Variants in ADAMTS17 observed in about 807,000 individuals in gnomAD.
ADAMTS17 encodes the protein ADAM metallopeptidase with thrombospondin type 1 motif 17.
In ADAMTS17, 113 loss-of-function variants were observed where a neutral mutation model predicts 141.5. The ratio of observed to expected loss-of-function variants is 0.80; its 90% CI spans 0.69 to 0.93. The LOEUF is 0.93. Ranked by LOEUF, ADAMTS17 falls within the 40% of genes least tolerant of loss-of-function variation. ADAMTS17 has a pLI of 0.00. For missense variants in ADAMTS17, 1,659 were observed against 1,517.9 expected, an observed-to-expected ratio of 1.09 and a Z score of -1.54; for synonymous variants, 768 against 630.6, an observed-to-expected ratio of 1.22 and a Z score of -3.27.
intron 15 of ADAMTS17, among the ~76,000 whole-genome samples, chr15:100,087,491 G>T (rs1471000805): frequency 1.3e-5 from 2 of 152,264 alleles, no homozygotes; most frequent in Non-Finnish European, 2.9e-5. Flanking sequence ...CATTTTATGA[G>T]GCCAGCATCA....
At chr15:100,246,753 T>C (rs1295461089) in intron 7 of ADAMTS17, among the ~76,000 whole-genome samples, 2 of 152,236 alleles carry the variant, frequency 1.3e-5, no homozygotes, top group African/African-American at 4.8e-5. Flanking sequence ...TAGCCATATT[T>C]CATCATAGCT....
intron 15 of ADAMTS17, among the ~76,000 whole-genome samples, chr15:100,084,357 G>A (rs1347679583): frequency 6.6e-6 from 1 of 152,172 alleles, no homozygotes; most frequent in Admixed American, 6.5e-5. Flanking sequence ...GCTCGAACTG[G>A]GTGGAGCCCA....
At chr15:100,230,565 T>C (rs541426588) in intron 7 of ADAMTS17, among the ~76,000 whole-genome samples, 1 of 152,332 alleles carries the variant, frequency 6.6e-6, no homozygotes, top group South Asian at 2.1e-4. Context: ...GAAAAGTTCC[T>C]GAAAAGTCTA....
intron 15 of ADAMTS17, among the ~76,000 whole-genome samples, chr15:100,079,182 A>G (rs1201464387): frequency 6.6e-6 from 1 of 152,184 alleles, no homozygotes; most frequent in Non-Finnish European, 1.5e-5. Context: ...ATTCTCACTC[A>G]CCAATTCCAT....
At chr15:100,222,270 T>C (rs1391756029) in intron 7 of ADAMTS17, among the ~76,000 whole-genome samples, 1 of 152,162 alleles carries the variant, frequency 6.6e-6, no homozygotes, top group Admixed American at 6.5e-5. Context: ...ATGCAGACAG[T>C]TCTCTGCCTT....
chr15:100,109,253 A>T, intron 13 of ADAMTS17, 137 bp from the exon 14 acceptor site: 4 of 1,055,464 alleles, frequency 3.8e-6, no homozygotes, highest in Non-Finnish European at 5.5e-6. Context: ...GAGCTCAGGT[A>T]CGCGCTCCAG....
intron 15 of ADAMTS17, among the ~76,000 whole-genome samples, chr15:100,070,650 C>T (rs943059538): frequency 1.3e-5 from 2 of 149,900 alleles, no homozygotes; most frequent in Non-Finnish European, 3.0e-5. Context: ...CTACTGGGTA[C>T]ATAACGAAAT....
chr15:100,307,857 C>T (rs545886211), intron 3 of ADAMTS17, among the ~76,000 whole-genome samples: 14 of 152,332 alleles, frequency 9.2e-5, no homozygotes, highest in African/African-American at 1.7e-4. Flanking sequence ...CACACCTGGA[C>T]GACAGTCTTG....
At chr15:100,265,024 CTAAA>C (rs1283290663) in intron 4 of ADAMTS17, among the ~76,000 whole-genome samples, 2 of 152,174 alleles carry the variant, frequency 1.3e-5, no homozygotes, top group Non-Finnish European at 2.9e-5. Context: ...GCTTCATGCT[CTAAA>C]TAATGTTCTC....
intron 8 of ADAMTS17, among the ~76,000 whole-genome samples, chr15:100,195,723 C>T (rs867796875): frequency 3.1e-4 from 47 of 151,082 alleles, no homozygotes; most frequent in African/African-American, 1.1e-3. Flanking sequence ...CTCCATGATA[C>T]GGTCATTGTC....
chr15:100,265,115 C>T (rs2043664623), intron 4 of ADAMTS17, among the ~76,000 whole-genome samples: 1 of 152,162 alleles, frequency 6.6e-6, no homozygotes, highest in Non-Finnish European at 1.5e-5. Context: ...GGTACCAAGG[C>T]CTGAACACAG....
intron 15 of ADAMTS17, among the ~76,000 whole-genome samples, chr15:100,058,492 C>T (rs941899844): frequency 6.6e-6 from 1 of 152,126 alleles, no homozygotes; most frequent in Non-Finnish European, 1.5e-5. Flanking sequence ...TACAAACTAC[C>T]CCACTTCCAT....
rs932605621 is a variant in ADAMTS17 at position 100,175,113 on chromosome 15, G to A, written c.1182-19793C>T. On this transcript the variant is annotated intron_variant, in intron 8 of 21. Transcript: ENST00000268070. ...CTGCAACCCAGCTTTGAAGGGATTC[G>A]ATCTCACATTTGGAGTGAAACAAGA... Among the ~76,000 whole-genome samples the A allele has an allele frequency of 7.9e-5, 12 of 152,284 alleles. No homozygotes were observed. The South Asian group carries it at 8.3e-4, about 11-fold the overall frequency.
At chr15:100,126,237 C>T (rs956167814) in intron 12 of ADAMTS17, 1 of 152,246 alleles carries the variant, frequency 6.6e-6, no homozygotes, top group Non-Finnish European at 1.5e-5. Flanking sequence ...CCACCCAAGG[C>T]CTGTCCCGCC....
chr15:100,105,544 C>T (rs919300626), intron 14 of ADAMTS17, among the ~76,000 whole-genome samples: 5 of 152,118 alleles, frequency 3.3e-5, no homozygotes, highest in Admixed American at 3.3e-4. Context: ...TTTGTGTCTT[C>T]TAGAGTTCAT....
chr15:99,994,873 T>TA lies in ADAMTS17; in HGVS notation c.2797-1674dup, dbSNP rs2060768332. On this transcript the variant is annotated intron_variant, in intron 19 of 21. Transcript: ENST00000268070. ...GCCATTGCGCCTCGCAGCTCTTTCT[T>TA]ACGAATTCAATTCAGCTCTTTGTCT... Among the ~76,000 whole-genome samples, 4 of 152,372 alleles carry TA rather than the reference T, an allele frequency of 2.6e-5. No homozygotes were observed. In the South Asian group the frequency reaches 8.3e-4, roughly 32 times the overall value.
intron 7 of ADAMTS17, among the ~76,000 whole-genome samples, chr15:100,219,342 G>T (rs374714908): frequency 5.9e-5 from 9 of 152,180 alleles, no homozygotes; most frequent in East Asian, 1.9e-4. Context: ...AAACTTTATG[G>T]TATGCAAATT....
intron 12 of ADAMTS17, among the ~76,000 whole-genome samples, chr15:100,122,168 A>G (rs1326209637): frequency 6.6e-6 from 1 of 152,204 alleles, no homozygotes; most frequent in African/African-American, 2.4e-5. Context: ...AGACCTAAAG[A>G]CACAGGATGC....
intron 18 of ADAMTS17, among the ~76,000 whole-genome samples, chr15:100,038,428 T>G (rs1039825811): frequency 1.3e-5 from 2 of 152,212 alleles, no homozygotes; most frequent in African/African-American, 4.8e-5. Flanking sequence ...TTGATAGAGA[T>G]TGCACTAAAT....
Sources: gnomAD v4.1 joint callset for allele counts (sites outside exome capture counted in the v4.1 genomes callset) on GRCh38, gnomAD v4.1.1 for gene constraint, MANE v1.5 for transcripts, NCBI Gene and HGNC (gene_info 2026-07-23, HGNC 2026-07-21) for gene names.